The following AMZ2 variants were observed in gnomAD, a reference collection of about 807,000 sequenced individuals.
AMZ2 encodes the protein archaelysin family metallopeptidase 2.
Under a neutral mutation model 36.7 loss-of-function variants are expected in AMZ2, and 26 were observed. That is an observed-to-expected ratio of 0.71 (90% CI 0.52 to 0.98). AMZ2 has a LOEUF of 0.98. AMZ2 is among the 50% of genes least tolerant of loss of function. The probability of loss-of-function intolerance (pLI) is 0.00; values close to 1 mark genes in which losing one functional copy is unlikely to be tolerated. For missense variants in AMZ2, 394 were observed against 430.5 expected, an observed-to-expected ratio of 0.92 and a Z score of 0.75; for synonymous variants, 144 against 149.1, an observed-to-expected ratio of 0.97 and a Z score of 0.25.
chr17:68,253,838 C>T (rs11077450), intron 4 of AMZ2, among the ~76,000 whole-genome samples: 48,740 of 151,080 alleles, frequency 0.32, 8,093 homozygotes, highest in East Asian at 0.51. Flanking sequence ...ACTGCAACTC[C>T]GCCTCATGGG....
At chr17:68,252,344 G>A (rs1177979480) in intron 4 of AMZ2, among the ~76,000 whole-genome samples, 1 of 152,042 alleles carries the variant, frequency 6.6e-6, no homozygotes, top group Non-Finnish European at 1.5e-5. Context: ...ATTTATGTGA[G>A]GTTTCTTGTG....
chr17:68,246,517 G>C (rs2074020829), upstream of AMZ2: 3 of 152,328 alleles, frequency 2.0e-5, no homozygotes, highest in Middle Eastern at 3.4e-3. Flanking sequence ...AGGCTGTCGG[G>C]AGATAGGCGC....
rs879976812 is a variant in AMZ2, at chr17:68,235,207, C to T, written c.-66-13433C>T. 2.6e-5 allele frequency among the ~76,000 whole-genome samples: 4 copies of T among 152,142 alleles called. No individual in the cohort carries two copies. The highest frequency in any genetic ancestry group is 4.2e-4 in the South Asian group (2 of 4,816). The stretch of plus-strand genomic sequence containing the variant: ...ATATATCACAAGTACTTGTCTCCAG[C>T]GCTGGTTTCTTAGCAAAAAAACAAC... On this transcript the variant is annotated intron_variant, in intron 1 of 7. Coordinates refer to the AMZ2 transcript ENST00000674770. The surrounding 1 kb of genome is among the most constrained non-coding windows in gnomAD (Gnocchi z 4.2).
intron 1 of AMZ2, among the ~76,000 whole-genome samples, chr17:68,226,726 A>T (rs1241745425): frequency 6.6e-6 from 1 of 152,030 alleles, no homozygotes. Context: ...TGGTCTTGGG[A>T]CTGTCTTCAA....
chr17:68,254,357 T>C (rs1568383558), intron 4 of AMZ2, 47 bp from the exon 5 acceptor site: 1 of 1,563,150 alleles, frequency 6.4e-7, no homozygotes, highest in Non-Finnish European at 8.6e-7. Context: ...TGGTCTTTCT[T>C]CAGGGACCTT....
intron 1 of AMZ2, among the ~76,000 whole-genome samples, chr17:68,231,068 C>CT (rs1453145005): frequency 2.5e-4 from 37 of 146,632 alleles, no homozygotes; most frequent in East Asian, 1.6e-3. Flanking sequence ...TTTTTAATTT[C>CT]TTTTTTTTTT....
intron 5 of AMZ2, 125 bp downstream of exon 5, chr17:68,254,692 C>T: frequency 1.1e-6 from 1 of 888,014 alleles, no homozygotes; most frequent in Non-Finnish European, 1.7e-6. Flanking sequence ...AATTTTGGTG[C>T]ATAGTGCTTG....
chr17:68,215,680 C>T (rs1568343509), intron 1 of AMZ2, among the ~76,000 whole-genome samples: 1 of 138,876 alleles, frequency 7.2e-6, no homozygotes, highest in Non-Finnish European at 1.6e-5. Flanking sequence ...GTCACATTCA[C>T]GCAATCTCAA....
At position 68,255,818 on chromosome 17, in the gene AMZ2, C is replaced by T. The variant is rs782541022; in HGVS notation, c.869C>T (p.Pro290Leu). 18 of 1,613,980 alleles carry T rather than the reference C, an allele frequency of 1.1e-5. No homozygotes were observed. The highest frequency in any genetic ancestry group is 1.7e-6 in the Non-Finnish European group (2 of 1,180,030). The change falls in exon 6 of 7, where the codon CCT (proline) becomes CTT (leucine). Residue 290 changes from proline (P) to leucine (L), a missense_variant. By Grantham distance (98) the Pro-to-Leu change is moderately conservative. Transcript: ENST00000359904. ...EADRRPLNLC[P>L]ICLHKLQCAV... ...GACCGGCGCCCTCTAAACCTTTGCCCTATCTGTTTGCACAAGTTGCAGTGT... is the reference window on the plus strand; with the variant it reads ...GACCGGCGCCCTCTAAACCTTTGCCTTATCTGTTTGCACAAGTTGCAGTGT...
At chr17:68,253,095 A>G (rs782158637) in intron 4 of AMZ2, among the ~76,000 whole-genome samples, 1 of 152,216 alleles carries the variant, frequency 6.6e-6, no homozygotes, top group African/African-American at 2.4e-5. Flanking sequence ...TACGAAAAAA[A>G]TAGTCTATTT....
At chr17:68,233,707 A>G (rs1281989159) in intron 1 of AMZ2, among the ~76,000 whole-genome samples, 2 of 150,818 alleles carry the variant, frequency 1.3e-5, no homozygotes, top group African/African-American at 4.9e-5. Flanking sequence ...TTTATTTTTA[A>G]TTTATTTTTA....
intron 1 of AMZ2, among the ~76,000 whole-genome samples, chr17:68,224,163 G>A (rs1369048694): frequency 1.9e-4 from 29 of 152,010 alleles, no homozygotes; most frequent in African/African-American, 5.3e-4. Context: ...GGCCGGTCTC[G>A]AACTCCTGAC....
At chr17:68,207,718 C>T (rs1340314884) in intron 1 of AMZ2, among the ~76,000 whole-genome samples, 1 of 152,260 alleles carries the variant, frequency 6.6e-6, no homozygotes, top group Non-Finnish European at 1.5e-5. Flanking sequence ...CCCTCCCTGG[C>T]TGTCGGCGCC....
In AMZ2 at chr17:68,218,289, A is replaced by G. The variant is rs1329480032; in HGVS notation, c.-67+12051A>G. Among the ~76,000 whole-genome samples, 5 of 152,222 alleles carry G rather than the reference A, an allele frequency of 3.3e-5. No individual in the cohort carries two copies. The East Asian group carries it at 9.6e-4, about 29-fold the overall frequency. On this transcript the variant is annotated intron_variant, in intron 1 of 7. Coordinates refer to the AMZ2 transcript ENST00000674770. ...AGGACCTACTAAAATAGAAATGGGC[A>G]GATAAGATTAGCATGTTTTTCTGTC...
intron 1 of AMZ2, among the ~76,000 whole-genome samples, chr17:68,225,026 A>AC (rs1555729561): frequency 7.3e-6 from 1 of 137,156 alleles, no homozygotes. Flanking sequence ...AAAAAAAAAA[A>AC]CACACACACA....
At chr17:68,216,769 G>A (rs1263309342) in intron 1 of AMZ2, among the ~76,000 whole-genome samples, 4 of 152,250 alleles carry the variant, frequency 2.6e-5, no homozygotes, top group East Asian at 1.9e-4. Flanking sequence ...GGTGGCTCAC[G>A]CCTGTAATCC....
In AMZ2 at chr17:68,254,410, G is replaced by C; in HGVS notation, c.593G>C (p.Gly198Ala). ...FGQASLTDGVGIFSFARYGSD... is the reference protein window; with the variant it reads ...FGQASLTDGVAIFSFARYGSD... ...GTTTGTCCTTTTTTTGTAGGTGTGG[G>C]GATATTCAGCTTTGCCAGGTATGGC... Residue 198 changes from glycine (G) to alanine (A), a missense_variant, in exon 5 of 7, where the codon GGG (glycine) becomes GCG (alanine). Coordinates refer to ENST00000359904, the MANE Select transcript of AMZ2 (RefSeq NM_016627.5). The C allele has an allele frequency of 6.2e-7, 1 of 1,611,366 alleles. No individual in the cohort carries two copies. The highest frequency in any genetic ancestry group is 8.5e-7 in the Non-Finnish European group (1 of 1,179,542).
chr17:68,255,563 G>T, intron 5 of AMZ2, 137 bp from the exon 6 acceptor site: 1 of 853,064 alleles, frequency 1.2e-6, no homozygotes, highest in Middle Eastern at 2.3e-4. Context: ...AGTCTTTGAA[G>T]GTCTGGACAG....
chr17:68,229,789 A>G (rs1482987164), intron 1 of AMZ2, among the ~76,000 whole-genome samples: 1 of 152,172 alleles, frequency 6.6e-6, no homozygotes, highest in African/African-American at 2.4e-5. Flanking sequence ...CACCACCCCC[A>G]TGTCAGGGGT....
Sources: allele counts gnomAD v4.1 joint callset (sites outside exome capture counted in the v4.1 genomes callset), GRCh38; gene constraint gnomAD v4.1.1; non-coding constraint Gnocchi (gnomAD v3.1); transcripts MANE v1.5; gene names NCBI Gene and HGNC (gene_info 2026-07-23, HGNC 2026-07-21).